Variants in NOS1 observed in about 807,000 individuals in gnomAD.
The protein encoded by NOS1 is nitric oxide synthase 1, also known as NOS type I.
Under a neutral mutation model 164.5 loss-of-function variants are expected in NOS1, and 51 were observed. The ratio of observed to expected loss-of-function variants is 0.31; its 90% CI spans 0.25 to 0.39. The LOEUF is 0.39. Among genes scored for constraint, NOS1 ranks in the 10% least tolerant of loss-of-function variants. The pLI is 1.00. For missense variants in NOS1, 1,362 were observed against 1,885.6 expected, an observed-to-expected ratio of 0.72 and a Z score of 5.14; for synonymous variants, 719 against 745.8, an observed-to-expected ratio of 0.96 and a Z score of 0.59.
At chr12:117,334,365 G>C (rs904196494) in intron 1 of NOS1, among the ~76,000 whole-genome samples, 10 of 152,072 alleles carry the variant, frequency 6.6e-5, no homozygotes, top group Non-Finnish European at 1.2e-4. Context: ...GAGAGGGAGG[G>C]AGACAGCAAG....
intron 3 of NOS1, among the ~76,000 whole-genome samples, chr12:117,300,531 G>A (rs1043256120): frequency 4.6e-5 from 7 of 152,160 alleles, no homozygotes; most frequent in African/African-American, 1.4e-4. Flanking sequence ...GGGAGTCACT[G>A]AGCAGGCGAT....
intron 22 of NOS1, among the ~76,000 whole-genome samples, chr12:117,230,338 A>C (rs994645943): frequency 6.6e-6 from 1 of 152,248 alleles, no homozygotes; most frequent in Non-Finnish European, 1.5e-5. Flanking sequence ...TTATACTTGC[A>C]GATAGTCTAA....
Position 117,331,195 on chromosome 12 carries a change from A to G in NOS1, c.-126T>C. On this transcript the variant is annotated 5_prime_UTR_variant, in exon 2 of 29. Coordinates refer to ENST00000317775, the MANE Select transcript of NOS1 (RefSeq NM_000620.5). ...AGGAGCCGGGGTGACAGGTGCTGAC[A>G]AGGCTTCAGCCCTCTCTGTCTTTGA... 2 of 1,233,220 alleles carry G rather than the reference A, an allele frequency of 1.6e-6. No homozygotes were observed. The highest frequency in any genetic ancestry group is 2.2e-6 in the Non-Finnish European group (2 of 889,228). 76.4% of individuals were successfully genotyped at this position (1,233,220 alleles called of 1,614,324 possible).
intron 1 of NOS1, among the ~76,000 whole-genome samples, chr12:117,352,567 C>T (rs950316812): frequency 3.9e-5 from 6 of 152,208 alleles, no homozygotes; most frequent in East Asian, 3.9e-4. Context: ...GCTAAACAGC[C>T]GTAAATGACA....
chr12:117,330,264 G>T lies in NOS1; in HGVS notation c.725+81C>A. 6.7e-7 allele frequency: 1 copy of T among 1,498,522 alleles called. No homozygotes were observed. The highest frequency in any genetic ancestry group is 8.9e-7 in the Non-Finnish European group (1 of 1,123,838). 92.8% of individuals were successfully genotyped at this position (1,498,522 alleles called of 1,614,324 possible). ...AGGTTGGCTTCTGGGCTATGAGGCT[G>T]AGTCTCAGTAGACGCACATGCACAC... On this transcript the variant is annotated intron_variant, in intron 2 of 28. Coordinates refer to ENST00000317775, the MANE Select transcript of NOS1 (RefSeq NM_000620.5). The surrounding 1 kb of genome is among the most constrained non-coding windows in gnomAD (Gnocchi z 4.6).
chr12:117,289,305 A>C (rs1002393964), intron 4 of NOS1, among the ~76,000 whole-genome samples: 39 of 152,346 alleles, frequency 2.6e-4, no homozygotes, highest in African/African-American at 9.1e-4. Context: ...CTGGGTTCAC[A>C]AATAAAAAGC....
At position 117,286,085 on chromosome 12, in the gene NOS1, A is replaced by G. The variant is rs1874094647; in HGVS notation, c.1290+19T>C. 1.2e-6 allele frequency: 2 copies of G among 1,613,906 alleles called. No homozygotes were observed. The highest frequency in any genetic ancestry group is 3.3e-4 in the Middle Eastern group (2 of 6,028). On this transcript the variant is annotated intron_variant, in intron 6 of 28. Transcript: ENST00000317775. ...CCCTCATTTAAGGGCTCTTCAAGGT[A>G]TCTGACTTCACCACCTACCTGCAGC...
At chr12:117,269,002 A>C (rs1359567348) in intron 10 of NOS1, among the ~76,000 whole-genome samples, 1 of 152,226 alleles carries the variant, frequency 6.6e-6, no homozygotes, top group Non-Finnish European at 1.5e-5. Context: ...AGGAAACTAG[A>C]GACTCGGCTG....
chr12:117,265,614 T>G, intron 11 of NOS1, 104 bp from the exon 12 acceptor site: 1 of 823,730 alleles, frequency 1.2e-6, no homozygotes, highest in Non-Finnish European at 1.8e-6. Flanking sequence ...GTCCCTGAGA[T>G]GGTTTAGAGC....
At position 117,212,181 on chromosome 12, in the gene NOS1, A is replaced by C; in HGVS notation, c.*3128T>G. The C allele has an allele frequency of 9.1e-6, 9 of 985,414 alleles. No individual in the cohort carries two copies. Among genetic ancestry groups the C allele is most frequent in the Non-Finnish European group, 1.1e-5 (9 of 829,928 alleles). 61.0% of individuals were successfully genotyped at this position (985,414 alleles called of 1,614,324 possible). ...GCAAGACATGTTATAAGTTAAGTGA[A>C]AAATTAAAATGCAGTAAGTTTTGAA... On this transcript the variant is annotated 3_prime_UTR_variant, in exon 29 of 29. Coordinates refer to ENST00000317775, the MANE Select transcript of NOS1 (RefSeq NM_000620.5).
At chr12:117,343,202 C>T (rs760327878) in intron 1 of NOS1, among the ~76,000 whole-genome samples, 7 of 149,256 alleles carry the variant, frequency 4.7e-5, no homozygotes, top group Non-Finnish European at 8.9e-5. Context: ...TGTGCCATTG[C>T]ACACCAGCCT....
At chr12:117,266,257 C>G (rs1872403720) in intron 11 of NOS1, among the ~76,000 whole-genome samples, 1 of 152,120 alleles carries the variant, frequency 6.6e-6, no homozygotes, top group South Asian at 2.1e-4. Flanking sequence ...ATCCCTCACC[C>G]CCTTCCCACC....
At chr12:117,238,010 C>T (rs1199308176) in intron 20 of NOS1, among the ~76,000 whole-genome samples, 1 of 152,008 alleles carries the variant, frequency 6.6e-6, no homozygotes, top group Non-Finnish European at 1.5e-5. Context: ...CACAGCATTC[C>T]AGGGATGGGG....
intron 20 of NOS1, among the ~76,000 whole-genome samples, chr12:117,235,060 G>C (rs1869589667): frequency 6.6e-6 from 1 of 151,962 alleles, no homozygotes; most frequent in Non-Finnish European, 1.5e-5. Flanking sequence ...TGGGACTATA[G>C]GCAGGCACCG....
At chr12:117,283,855 C>CAAAAAAAAAAA in intron 7 of NOS1, among the ~76,000 whole-genome samples, 1 of 63,714 alleles carries the variant, frequency 1.6e-5, no homozygotes, top group Non-Finnish European at 2.7e-5. Context: ...GACTCTGTCT[C>CAAAAAAAAAAA]AAAAAAAAAA....
At chr12:117,343,570 T>C (rs1027916148) in intron 1 of NOS1, among the ~76,000 whole-genome samples, 3 of 152,204 alleles carry the variant, frequency 2.0e-5, no homozygotes, top group Admixed American at 1.3e-4. Context: ...TAATAACAAC[T>C]AGTTGCCAAG....
At chr12:117,279,386 C>CAA (rs1555254985) in intron 8 of NOS1, among the ~76,000 whole-genome samples, 2 of 149,892 alleles carry the variant, frequency 1.3e-5, no homozygotes, top group East Asian at 3.9e-4. Context: ...AAAAAAAAAC[C>CAA]AAAAAAAACA....
intron 1 of NOS1, among the ~76,000 whole-genome samples, chr12:117,333,285 G>C (rs1486395429): frequency 3.9e-5 from 6 of 152,196 alleles, no homozygotes; most frequent in Non-Finnish European, 8.8e-5. Flanking sequence ...CCCCACTCAA[G>C]TGCTACTTCC....
chr12:117,335,259 C>T (rs1187803800), intron 1 of NOS1, among the ~76,000 whole-genome samples: 2 of 152,080 alleles, frequency 1.3e-5, no homozygotes, highest in African/African-American at 2.4e-5. Context: ...GAAATCACAC[C>T]GAGGCATCTC....
Sources: gnomAD v4.1 joint callset for allele counts (sites outside exome capture counted in the v4.1 genomes callset) on GRCh38, gnomAD v4.1.1 for gene constraint, Gnocchi (gnomAD v3.1) non-coding constraint, MANE v1.5 for transcripts, NCBI Gene and HGNC (gene_info 2026-07-23, HGNC 2026-07-21) for gene names.